GLT1D1: variants seen among roughly 807,000 people sequenced by gnomAD.
The protein encoded by GLT1D1 is glycosyltransferase 1 domain containing 1.
GLT1D1 carries 21 observed loss-of-function variants against 28.7 expected under a neutral mutation model. That is an observed-to-expected ratio of 0.73 (90% confidence interval 0.52 to 1.05). The LOEUF is 1.05. GLT1D1 is among the 50% of genes least tolerant of loss of function. The pLI, the probability that GLT1D1 is intolerant of heterozygous loss-of-function variation, is 0.00. For missense variants in GLT1D1, 343 were observed against 330.6 expected (o/e 1.04, Z -0.29); for synonymous variants, 147 against 124.8 (o/e 1.18, Z -1.19).
At chr12:128,939,844 C>CT (rs1555271972) in intron 4 of GLT1D1, among the ~76,000 whole-genome samples, 1 of 145,326 alleles carries the variant, frequency 6.9e-6, no homozygotes, top group Admixed American at 6.8e-5. Context: ...GAAACCCCCC[C>CT]CCACCGCCGA....
chr12:128,853,556 T>G lies in GLT1D1; in HGVS notation c.-26T>G. On this transcript the variant is annotated 5_prime_UTR_variant, in exon 1 of 8. Coordinates refer to ENST00000281703, the MANE Select transcript of GLT1D1 (RefSeq NM_144669.3). ...GCCTGGTCGGCGGCGGCGGGGCCGG[T>G]CGATGGCCCGGGCGGCGGCGGCGGC... 1 of 1,068,064 alleles carries G rather than the reference T, an allele frequency of 9.4e-7. No homozygotes were observed. The highest frequency in any genetic ancestry group is 1.1e-6 in the Non-Finnish European group (1 of 886,052). 66.2% of individuals were successfully genotyped at this position (1,068,064 alleles called of 1,614,324 possible). A position where few individuals can be genotyped will look rare whatever the true frequency, so the allele number is the denominator to read the frequency against.
intron 1 of GLT1D1, among the ~76,000 whole-genome samples, chr12:128,854,765 G>A (rs1956172234): frequency 6.6e-6 from 1 of 152,128 alleles, no homozygotes; most frequent in Non-Finnish European, 1.5e-5. Context: ...CCACAGTGCT[G>A]GGTTTACAGG....
At chr12:128,879,695 TGTTTGCCCGCCTCG>T (rs944612049) in intron 2 of GLT1D1, among the ~76,000 whole-genome samples, 3 of 152,094 alleles carry the variant, frequency 2.0e-5, no homozygotes, top group Non-Finnish European at 2.9e-5. Flanking sequence ...GGCTTAAAGT[TGTTTGCCCGCCTCG>T]GCCTCCCAAA....
intron 4 of GLT1D1, among the ~76,000 whole-genome samples, chr12:128,932,256 C>T (rs975937324): frequency 3.3e-5 from 5 of 152,130 alleles, no homozygotes; most frequent in Admixed American, 1.3e-4. Context: ...TGACAACATA[C>T]GTGGTAGGCA....
chr12:128,910,662 A>G (rs1349522363), intron 4 of GLT1D1, among the ~76,000 whole-genome samples: 4 of 149,404 alleles, frequency 2.7e-5, no homozygotes, highest in Non-Finnish European at 4.4e-5. Flanking sequence ...GCAATTTCTA[A>G]TTTCAATGGT....
Position 128,932,922 on chromosome 12 carries a change from T to C in GLT1D1, c.376-12404T>C, listed in dbSNP as rs1874085684. Among the ~76,000 whole-genome samples the C allele has an allele frequency of 2.0e-5, 3 of 152,180 alleles. No homozygotes were observed. In the South Asian group the frequency reaches 6.2e-4, roughly 31 times the overall value. Reference sequence around the variant, plus strand: ...CTCAGTGGATGAAATAATTTGAGTTTCTACGTTTCTAAGGTCTCGCGGAGT... The same window carrying C: ...CTCAGTGGATGAAATAATTTGAGTTCCTACGTTTCTAAGGTCTCGCGGAGT... On this transcript the variant is annotated intron_variant, in intron 4 of 7. Transcript: ENST00000281703.
chr12:128,875,851 G>A, intron 1 of GLT1D1, 63 bp from the exon 2 acceptor site: 2 of 1,418,820 alleles, frequency 1.4e-6, no homozygotes, highest in East Asian at 2.3e-5. Flanking sequence ...AACTGTAGCA[G>A]CAACCTGTTA....
intron 7 of GLT1D1, among the ~76,000 whole-genome samples, chr12:128,958,389 A>G (rs1877511661): frequency 6.6e-6 from 1 of 152,084 alleles, no homozygotes; most frequent in South Asian, 2.1e-4. Flanking sequence ...CAGAGCTTAG[A>G]GGTGCACATG....
chr12:128,947,053 T>C (rs1308467723), intron 5 of GLT1D1, among the ~76,000 whole-genome samples: 1 of 152,194 alleles, frequency 6.6e-6, no homozygotes, highest in Admixed American at 6.5e-5. Flanking sequence ...GCAGAGAAAA[T>C]GGCATGAACC....
At chr12:128,891,855 G>A (rs756807135) in intron 3 of GLT1D1, among the ~76,000 whole-genome samples, 1 of 152,148 alleles carries the variant, frequency 6.6e-6, no homozygotes. Context: ...TTTTGCCAAC[G>A]TTGAAGACAC....
chr12:128,879,408 T>C (rs1230546454), intron 2 of GLT1D1, among the ~76,000 whole-genome samples: 1 of 96,140 alleles, frequency 1.0e-5, no homozygotes, highest in African/African-American at 4.5e-5. Context: ...CTTTCTTTCT[T>C]TCTTTCTTTC....
intron 1 of GLT1D1, among the ~76,000 whole-genome samples, chr12:128,874,623 A>C (rs1180132481): frequency 6.6e-6 from 1 of 151,856 alleles, no homozygotes; most frequent in Non-Finnish European, 1.5e-5. Flanking sequence ...CTAGGACTAC[A>C]GGTATGTGTC....
chr12:128,984,741 C>G lies in GLT1D1; in HGVS notation c.*1651C>G, dbSNP rs1478636796. 1 of 152,180 alleles carries G rather than the reference C, an allele frequency of 6.6e-6. No individual in the cohort carries two copies. Among genetic ancestry groups the G allele is most frequent in the African/African-American group, 2.4e-5 (1 of 41,416 alleles). 9.4% of individuals were successfully genotyped at this position (152,180 alleles called of 1,614,324 possible). A position where few individuals can be genotyped will look rare whatever the true frequency, so the allele number is the denominator to read the frequency against. ...ATGCCACCCAAAGAAAAGGCCCTGC[C>G]AGGTCCAATGTTGTCTTAGATCTGA... On this transcript the variant is annotated 3_prime_UTR_variant, in exon 8 of 8. Coordinates refer to ENST00000281703, the MANE Select transcript of GLT1D1 (RefSeq NM_144669.3).
chr12:128,927,955 G>A (rs1238752099), intron 4 of GLT1D1, among the ~76,000 whole-genome samples: 3 of 106,048 alleles, frequency 2.8e-5, no homozygotes, highest in South Asian at 3.2e-4. Flanking sequence ...AGCCAAGGTC[G>A]CACCGCTGTA....
intron 1 of GLT1D1, among the ~76,000 whole-genome samples, 177 bp downstream of exon 1, chr12:128,853,826 C>T (rs1956134625): frequency 6.6e-6 from 1 of 151,988 alleles, no homozygotes; most frequent in African/African-American, 2.4e-5. Flanking sequence ...GGGGTCGGTG[C>T]CTTCTGCGTG....
intron 4 of GLT1D1, among the ~76,000 whole-genome samples, chr12:128,917,091 T>C (rs1349691087): frequency 6.6e-6 from 1 of 152,216 alleles, no homozygotes; most frequent in African/African-American, 2.4e-5. Flanking sequence ...GCGTCATTTA[T>C]TGGAAATGTT....
At chr12:128,973,947 GT>G (rs1234731721) in intron 7 of GLT1D1, among the ~76,000 whole-genome samples, 5 of 69,778 alleles carry the variant, frequency 7.2e-5, no homozygotes, top group East Asian at 3.3e-4. Flanking sequence ...GGGTGTGTGT[GT>G]GTGGGGGGGG....
chr12:128,946,503 C>T (rs752069593), intron 5 of GLT1D1, among the ~76,000 whole-genome samples: 3 of 150,500 alleles, frequency 2.0e-5, no homozygotes, highest in Non-Finnish European at 4.4e-5. Flanking sequence ...CCCGCCGCTG[C>T]GCCCGGCTAA....
intron 4 of GLT1D1, among the ~76,000 whole-genome samples, chr12:128,911,547 G>C (rs1423531831): frequency 1.3e-5 from 2 of 152,154 alleles, no homozygotes; most frequent in Non-Finnish European, 1.5e-5. Context: ...TAGGTCACAT[G>C]ACAAAAAGAC....
Sources: allele counts gnomAD v4.1 joint callset (sites outside exome capture counted in the v4.1 genomes callset), GRCh38; gene constraint gnomAD v4.1.1; transcripts MANE v1.5; gene names NCBI Gene and HGNC (gene_info 2026-07-23, HGNC 2026-07-21).